The following PCLO variants were observed in gnomAD, a reference collection of about 807,000 sequenced individuals.
The protein encoded by PCLO is piccolo presynaptic cytomatrix protein.
Under a neutral mutation model 427.5 loss-of-function variants are expected in PCLO, and 82 were observed. That is an observed-to-expected ratio of 0.19 (90% CI 0.16 to 0.23). The LOEUF is 0.23. Ranked by LOEUF, PCLO falls within the 10% of genes least tolerant of loss-of-function variation. The pLI, the probability that PCLO is intolerant of heterozygous loss-of-function variation, is 1.00. For missense variants in PCLO, 6,239 were observed against 6,115.9 expected, an observed-to-expected ratio of 1.02 and a Z score of -0.67; for synonymous variants, 2,357 against 2,155.4, an observed-to-expected ratio of 1.09 and a Z score of -2.59.
intron 6 of PCLO, among the ~76,000 whole-genome samples, chr7:82,932,376 C>T (rs775024978): frequency 1.3e-5 from 2 of 151,796 alleles, no homozygotes; most frequent in Non-Finnish European, 2.9e-5. Flanking sequence ...ATCATAAAAG[C>T]GGTGGATATA....
intron 14 of PCLO, among the ~76,000 whole-genome samples, chr7:82,838,626 C>G (rs1306300244): frequency 1.3e-5 from 2 of 151,698 alleles, no homozygotes; most frequent in East Asian, 3.9e-4. Flanking sequence ...TGCTGGTTAT[C>G]TTTTTTAATT....
chr7:82,814,365 G>A (rs1394611891), intron 20 of PCLO, among the ~76,000 whole-genome samples: 2 of 151,466 alleles, frequency 1.3e-5, no homozygotes, highest in Non-Finnish European at 3.0e-5. Flanking sequence ...AACATGTTTT[G>A]GAAGAAGTCC....
intron 10 of PCLO, among the ~76,000 whole-genome samples, chr7:82,860,675 G>C (rs1305435764): frequency 6.6e-6 from 1 of 152,000 alleles, no homozygotes; most frequent in African/African-American, 2.4e-5. Context: ...TTATAACGCT[G>C]TAACTGTAGT....
At chr7:82,895,725 T>G (rs1793888363) in intron 9 of PCLO, among the ~76,000 whole-genome samples, 1 of 151,924 alleles carries the variant, frequency 6.6e-6, no homozygotes, top group Non-Finnish European at 1.5e-5. Context: ...AATGAATACA[T>G]TTTTAGAAAG....
intron 3 of PCLO, among the ~76,000 whole-genome samples, chr7:83,010,825 C>A (rs1788059484): frequency 2.0e-5 from 3 of 151,930 alleles, no homozygotes; most frequent in Admixed American, 6.6e-5. Context: ...ATCTCTAAAT[C>A]TTTTTTCCAA....
intron 21 of PCLO, among the ~76,000 whole-genome samples, chr7:82,804,649 C>T (rs1015533188): frequency 2.6e-5 from 4 of 152,116 alleles, no homozygotes; most frequent in African/African-American, 9.7e-5. Flanking sequence ...ATTCTAACGA[C>T]TTAATTCTGC....
At chr7:82,882,042 ATT>A (rs766556746) in intron 9 of PCLO, among the ~76,000 whole-genome samples, 53 of 152,214 alleles carry the variant, frequency 3.5e-4, no homozygotes, top group Non-Finnish European at 6.0e-4. Context: ...GAAAAATAAC[ATT>A]TGTTTGTTTA....
In PCLO at chr7:82,967,523, C is replaced by T. The variant is rs17156931; in HGVS notation, c.3301-1036G>A. 9.3e-3 allele frequency among the ~76,000 whole-genome samples: 1,422 copies of T among 152,098 alleles called. 21 individuals are homozygous for T. The highest frequency in any genetic ancestry group is 0.033 in the African/African-American group (1,351 of 41,490). ...CTTCAGTGTCTAAGCCATGGTCACC[C>T]GCACTAAATCAACTAATAGGGTCTT... On this transcript the variant is annotated intron_variant, in intron 3 of 24. Coordinates refer to ENST00000333891, the MANE Select transcript of PCLO (RefSeq NM_033026.6).
chr7:83,016,783 T>C (rs572070823), intron 3 of PCLO, among the ~76,000 whole-genome samples: 1 of 152,214 alleles, frequency 6.6e-6, no homozygotes, highest in Non-Finnish European at 1.5e-5. Context: ...GAATGGACGC[T>C]GCGTACTGGG....
chr7:82,818,828 A>G (rs1791730829), intron 20 of PCLO, among the ~76,000 whole-genome samples: 2 of 152,188 alleles, frequency 1.3e-5, no homozygotes, highest in Admixed American at 1.3e-4. Context: ...GGATGACAAA[A>G]CACTCTGTAC....
Position 82,916,250 on chromosome 7 carries a change from T to G in PCLO, c.11736A>C (p.Gln3912His). Reference sequence around the variant, plus strand: ...GTGAAACTTGCTGATGGTACAAAGTTTGTTGCTCAAAATGAGACTGTTGAG... The same window carrying G: ...GTGAAACTTGCTGATGGTACAAAGTGTGTTGCTCAAAATGAGACTGTTGAG... ...SYTQQSHFEQ[Q>H]TLYHQQVSPY... The change falls in exon 7 of 25, where the codon CAA becomes CAC. Residue 3912 changes from glutamine to histidine, a missense_variant. Transcript: ENST00000333891. 3 of 1,613,640 alleles carry G rather than the reference T, an allele frequency of 1.9e-6. No homozygotes were observed. The highest frequency in any genetic ancestry group is 1.3e-5 in the African/African-American group (1 of 75,000).
chr7:83,076,067 C>A (rs1281325955), intron 3 of PCLO, among the ~76,000 whole-genome samples: 1 of 151,352 alleles, frequency 6.6e-6, no homozygotes, highest in African/African-American at 2.4e-5. Context: ...ATGACTAACA[C>A]TGTATTATCT....
intron 6 of PCLO, among the ~76,000 whole-genome samples, chr7:82,932,179 T>C (rs1584174106): frequency 6.6e-6 from 1 of 152,154 alleles, no homozygotes; most frequent in Non-Finnish European, 1.5e-5. Context: ...GATGGTCTGA[T>C]TGAGTACATG....
At position 82,758,058 on chromosome 7, in the gene PCLO, C is replaced by G. The variant is rs1189246337; in HGVS notation, c.*517G>C. The stretch of plus-strand genomic sequence containing the variant: ...AAGAACACAGCCACCTCACTTCCAG[C>G]CCTGGACACATACTGTAGGTATATC... On this transcript the variant is annotated 3_prime_UTR_variant, in exon 25 of 25. Coordinates refer to ENST00000333891, the MANE Select transcript of PCLO (RefSeq NM_033026.6). The G allele has an allele frequency of 6.6e-6, 1 of 152,000 alleles. No individual in the cohort carries two copies. The highest frequency in any genetic ancestry group is 2.4e-5 in the African/African-American group (1 of 41,400). The allele number at this position is 152,000 out of a possible 1,614,324, so 9.4% of individuals were successfully genotyped here. A position where few individuals can be genotyped will look rare whatever the true frequency, so the allele number is the denominator to read the frequency against.
chr7:83,025,191 A>C (rs1788459541), intron 3 of PCLO, among the ~76,000 whole-genome samples: 2 of 152,172 alleles, frequency 1.3e-5, no homozygotes, highest in South Asian at 4.1e-4. Flanking sequence ...AAGGCAAAGA[A>C]GTTGAAAACT....
At chr7:82,794,530 G>A (rs1218519195) in intron 22 of PCLO, among the ~76,000 whole-genome samples, 1 of 127,882 alleles carries the variant, frequency 7.8e-6, no homozygotes, top group African/African-American at 2.9e-5. Context: ...AGAGTGCAGT[G>A]GCACGACCTC....
At chr7:82,978,510 C>G (rs1186765836) in intron 3 of PCLO, among the ~76,000 whole-genome samples, 2 of 151,886 alleles carry the variant, frequency 1.3e-5, no homozygotes, top group African/African-American at 2.4e-5. Context: ...CTATGATATT[C>G]CTATTGTTCT....
chr7:82,945,264 T>C (rs538159596), intron 6 of PCLO, among the ~76,000 whole-genome samples: 2 of 152,244 alleles, frequency 1.3e-5, no homozygotes, highest in Admixed American at 6.5e-5. Context: ...TGTCAACAAA[T>C]AAAATTTGAT....
At chr7:83,031,357 T>C (rs1788660992) in intron 3 of PCLO, among the ~76,000 whole-genome samples, 1 of 152,210 alleles carries the variant, frequency 6.6e-6, no homozygotes, top group African/African-American at 2.4e-5. Flanking sequence ...TATGTTTTAC[T>C]ACAAGACTGA....
Sources: allele counts gnomAD v4.1 joint callset (sites outside exome capture counted in the v4.1 genomes callset), GRCh38; gene constraint gnomAD v4.1.1; transcripts MANE v1.5; gene names NCBI Gene and HGNC (gene_info 2026-07-23, HGNC 2026-07-21).